The following DCC variants were observed in gnomAD, a reference collection of about 807,000 sequenced individuals.
DCC encodes the protein DCC netrin 1 receptor.
In DCC, 58 loss-of-function variants were observed where a neutral mutation model predicts 172.5. The observed-to-expected ratio is 0.34, with a 90% confidence interval of 0.27 to 0.42. The LOEUF is 0.42. Ranked by LOEUF, DCC falls within the 10% of genes least tolerant of loss-of-function variation. The probability of loss-of-function intolerance (pLI) is 1.00; values close to 1 mark genes in which losing one functional copy is unlikely to be tolerated. For synonymous variants in DCC, 709 were observed against 644.5 expected, an observed-to-expected ratio of 1.10 and a Z score of -1.52; for missense variants, 1,740 against 1,791.0, an observed-to-expected ratio of 0.97 and a Z score of 0.51.
At chr18:52,538,863 C>T (rs2032360445) in intron 1 of DCC, among the ~76,000 whole-genome samples, 1 of 152,010 alleles carries the variant, frequency 6.6e-6, no homozygotes, top group Admixed American at 6.6e-5. Flanking sequence ...AAAATATCAG[C>T]CACAAAGTAG....
At chr18:52,963,368 ATATATAT>A (rs1380315940) in intron 5 of DCC, among the ~76,000 whole-genome samples, 5 of 152,028 alleles carry the variant, frequency 3.3e-5, no homozygotes, top group South Asian at 2.1e-4. Context: ...TGATATATAA[ATATATAT>A]TATGTATACC....
chr18:52,811,564 A>G (rs957998838), intron 2 of DCC, among the ~76,000 whole-genome samples: 1 of 151,960 alleles, frequency 6.6e-6, no homozygotes, highest in Non-Finnish European at 1.5e-5. Context: ...TAAAATTTTC[A>G]TACATTAAAT....
chr18:52,586,571 T>C (rs1198187447), intron 1 of DCC, among the ~76,000 whole-genome samples: 7 of 152,172 alleles, frequency 4.6e-5, no homozygotes, highest in African/African-American at 1.7e-4. Flanking sequence ...TTCCTTCCTC[T>C]GGAACTAAGA....
intron 1 of DCC, among the ~76,000 whole-genome samples, chr18:52,449,371 T>C (rs536877329): frequency 6.6e-6 from 1 of 152,298 alleles, no homozygotes; most frequent in East Asian, 1.9e-4. Flanking sequence ...ATAGACAAGA[T>C]TGTGAACACA....
intron 1 of DCC, among the ~76,000 whole-genome samples, chr18:52,493,649 T>G (rs1375882737): frequency 1.3e-5 from 2 of 152,060 alleles, no homozygotes; most frequent in Non-Finnish European, 2.9e-5. Context: ...ATTTCATACC[T>G]TTTTAAAATT....
intron 2 of DCC, among the ~76,000 whole-genome samples, chr18:52,864,556 T>C (rs2039190939): frequency 6.6e-6 from 1 of 152,178 alleles, no homozygotes; most frequent in African/African-American, 2.4e-5. Flanking sequence ...GGGATATATG[T>C]GCAGGTTTGT....
intron 1 of DCC, among the ~76,000 whole-genome samples, chr18:52,466,171 C>A (rs1246595039): frequency 6.6e-6 from 1 of 151,996 alleles, no homozygotes; most frequent in Non-Finnish European, 1.5e-5. Flanking sequence ...AGCTCCAAGC[C>A]CTTTAAAGAA....
chr18:53,222,939 A>G (rs1224935045), intron 12 of DCC, among the ~76,000 whole-genome samples: 6 of 152,082 alleles, frequency 3.9e-5, no homozygotes, highest in African/African-American at 7.2e-5. Flanking sequence ...TCTTCCTCCA[A>G]AAATACCTTC....
intron 7 of DCC, among the ~76,000 whole-genome samples, chr18:53,092,134 G>A (rs2043022757): frequency 6.6e-6 from 1 of 151,922 alleles, no homozygotes; most frequent in Admixed American, 6.6e-5. Context: ...TGACTTCTTA[G>A]GCTTCAAAAT....
chr18:53,076,032 A>C (rs979779851), intron 7 of DCC, among the ~76,000 whole-genome samples: 1 of 152,170 alleles, frequency 6.6e-6, no homozygotes, highest in African/African-American at 2.4e-5. Flanking sequence ...AGGGAGTATC[A>C]ACAGATACTC....
intron 26 of DCC, among the ~76,000 whole-genome samples, chr18:53,498,525 T>C (rs2046054351): frequency 1.4e-5 from 2 of 146,786 alleles, no homozygotes; most frequent in African/African-American, 5.0e-5. Flanking sequence ...AAAACTTCCT[T>C]GAAAATATTT....
chr18:53,195,721 C>T (rs2055433911), intron 9 of DCC, among the ~76,000 whole-genome samples: 3 of 151,860 alleles, frequency 2.0e-5, no homozygotes, highest in South Asian at 2.1e-4. Context: ...ATCCTTCATT[C>T]ATCCATCTAT....
intron 9 of DCC, among the ~76,000 whole-genome samples, chr18:53,195,831 C>G (rs1335946228): frequency 1.3e-5 from 2 of 152,126 alleles, no homozygotes; most frequent in African/African-American, 4.8e-5. Flanking sequence ...TCTGGAATTC[C>G]TATATGTTTG....
intron 1 of DCC, among the ~76,000 whole-genome samples, chr18:52,371,043 A>G (rs1985098897): frequency 6.6e-6 from 1 of 152,212 alleles, no homozygotes; most frequent in Non-Finnish European, 1.5e-5. Flanking sequence ...TGTGAACTCC[A>G]TTACAAAGAG....
At chr18:53,416,303 G>A (rs1236256614) in intron 21 of DCC, 147 bp downstream of exon 21, 19 of 725,222 alleles carry the variant, frequency 2.6e-5, no homozygotes, top group Non-Finnish European at 4.7e-5. Flanking sequence ...TGTTAATGAA[G>A]TTCTGCTTGG....
chr18:52,657,148 G>A (rs996123615), intron 1 of DCC, among the ~76,000 whole-genome samples: 4 of 152,166 alleles, frequency 2.6e-5, no homozygotes, highest in African/African-American at 9.7e-5. Flanking sequence ...CAAAAACCAA[G>A]CTGTTCTCTA....
At chr18:53,493,705 A>T (rs2045985560) in intron 26 of DCC, among the ~76,000 whole-genome samples, 2 of 152,238 alleles carry the variant, frequency 1.3e-5, no homozygotes, top group Middle Eastern at 3.4e-3. Flanking sequence ...GATCTTTTCA[A>T]AAAACCAGCT....
At chr18:52,357,950 A>AT (rs1161962288) in intron 1 of DCC, among the ~76,000 whole-genome samples, 22 of 146,136 alleles carry the variant, frequency 1.5e-4, no homozygotes, top group African/African-American at 5.1e-4. Flanking sequence ...AAAAAAAAAA[A>AT]AAAAAATCTG....
At chr18:52,846,786 T>A in intron 2 of DCC, among the ~76,000 whole-genome samples, 1 of 151,928 alleles carries the variant, frequency 6.6e-6, no homozygotes, top group Admixed American at 6.6e-5. Context: ...GAAAAAGTAG[T>A]GGTGGAGAAA....
Sources: allele counts gnomAD v4.1 joint callset (sites outside exome capture counted in the v4.1 genomes callset), GRCh38; gene constraint gnomAD v4.1.1; transcripts MANE v1.5; gene names NCBI Gene and HGNC (gene_info 2026-07-23, HGNC 2026-07-21).